Variants in KCNIP2 observed in about 807,000 individuals in gnomAD.
The protein encoded by KCNIP2 is A-type potassium channel modulatory protein KCNIP2.
In KCNIP2, 19 loss-of-function variants were observed where a neutral mutation model predicts 39.0. The ratio of observed to expected loss-of-function variants is 0.49; its 90% CI spans 0.34 to 0.71. The LOEUF (loss-of-function observed/expected upper bound fraction) is 0.71, where lower values mean the gene tolerates loss of function less well. Among genes scored for constraint, KCNIP2 ranks in the 30% least tolerant of loss-of-function variants. KCNIP2 has a pLI of 0.01. For missense variants in KCNIP2, 261 were observed against 346.0 expected, an observed-to-expected ratio of 0.75 and a Z score of 1.95; for synonymous variants, 111 against 131.2, an observed-to-expected ratio of 0.85 and a Z score of 1.05.
In KCNIP2 at chr10:101,828,752, G is replaced by GC; in HGVS notation, c.349-57dup. 6.2e-7 allele frequency: 1 copy of GC among 1,612,598 alleles called. No individual in the cohort carries two copies. The highest frequency in any genetic ancestry group is 8.5e-7 in the Non-Finnish European group (1 of 1,178,864). The stretch of plus-strand genomic sequence containing the variant: ...GAGACAAAATCCCCTTCCGTTCACC[G>GC]CCCCCACCCTCCATGGCCCAAGACT... On this transcript the variant is annotated intron_variant, in intron 4 of 9. Transcript: ENST00000356640. The surrounding 1 kb of genome is among the most constrained non-coding windows in gnomAD (Gnocchi z 6.6).
intron 1 of KCNIP2, among the ~76,000 whole-genome samples, chr10:101,836,556 C>T (rs556234613): frequency 1.3e-5 from 2 of 152,248 alleles, no homozygotes; most frequent in East Asian, 3.9e-4. Context: ...TTGGTCTGTT[C>T]CACTCCTTTC....
chr10:101,829,809 T>TGCCCC (rs1319559131), intron 3 of KCNIP2, 35 bp downstream of exon 3: 7 of 768,468 alleles, frequency 9.1e-6, no homozygotes, highest in Non-Finnish European at 1.1e-5. Context: ...AAAGCCGCCC[T>TGCCCC]GCCCCGCCCC....
chr10:101,832,712 T>C (rs886175292), intron 1 of KCNIP2, among the ~76,000 whole-genome samples: 36 of 152,120 alleles, frequency 2.4e-4, no homozygotes, highest in Non-Finnish European at 4.4e-5. Flanking sequence ...GGATTGCGCC[T>C]GGGGCCTCCA....
intron 3 of KCNIP2, 126 bp downstream of exon 3, chr10:101,829,718 A>AACCC: frequency 9.0e-6 from 1 of 111,666 alleles, no homozygotes; most frequent in Non-Finnish European, 1.8e-5. Flanking sequence ...CTCCATCCAG[A>AACCC]CCCCACCCCC....
Position 101,828,923 on chromosome 10 carries a change from C to G in KCNIP2, c.348+152G>C. 1 of 1,501,914 alleles carries G rather than the reference C, an allele frequency of 6.7e-7. No individual in the cohort carries two copies. 93.0% of individuals were successfully genotyped at this position (1,501,914 alleles called of 1,614,324 possible). A position where few individuals can be genotyped will look rare whatever the true frequency, so the allele number is the denominator to read the frequency against. ...AGGCGCCACTTCCGTTCTGGCCCCGCCCCAGAACCTCCAGCTAGAAGTTCA... is the reference window on the plus strand; with the variant it reads ...AGGCGCCACTTCCGTTCTGGCCCCGGCCCAGAACCTCCAGCTAGAAGTTCA... On this transcript the variant is annotated intron_variant, in intron 4 of 9. Coordinates refer to ENST00000356640, the MANE Select transcript of KCNIP2 (RefSeq NM_173191.3). The surrounding 1 kb of genome is among the most constrained non-coding windows in gnomAD (Gnocchi z 6.6).
At chr10:101,834,807 A>G (rs2066102029) in intron 1 of KCNIP2, among the ~76,000 whole-genome samples, 1 of 152,188 alleles carries the variant, frequency 6.6e-6, no homozygotes, top group South Asian at 2.1e-4. Flanking sequence ...GCACATGTAT[A>G]AGTAATCAGA....
intron 1 of KCNIP2, among the ~76,000 whole-genome samples, chr10:101,840,238 T>G (rs1257437103): frequency 6.9e-6 from 1 of 144,778 alleles, no homozygotes; most frequent in African/African-American, 2.6e-5. Context: ...GTCGCACTCC[T>G]CCCCGCACCC....
intron 1 of KCNIP2, among the ~76,000 whole-genome samples, chr10:101,831,686 A>C (rs1307354381): frequency 6.6e-6 from 1 of 152,128 alleles, no homozygotes; most frequent in East Asian, 1.9e-4. Flanking sequence ...TCCTTAACAC[A>C]AACATATACA....
chr10:101,836,426 G>C (rs894317754), intron 1 of KCNIP2, among the ~76,000 whole-genome samples: 2 of 151,930 alleles, frequency 1.3e-5, no homozygotes, highest in Non-Finnish European at 2.9e-5. Flanking sequence ...TTTTTAAATA[G>C]GGTTTTGTCA....
In KCNIP2 at chr10:101,829,061, C is replaced by T. The variant is rs910744275; in HGVS notation, c.348+14G>A. 2.5e-6 allele frequency: 4 copies of T among 1,611,328 alleles called. No homozygotes were observed. The highest frequency in any genetic ancestry group is 2.2e-5 in the South Asian group (2 of 90,778). On this transcript the variant is annotated intron_variant, in intron 4 of 9. Coordinates refer to ENST00000356640, the MANE Select transcript of KCNIP2 (RefSeq NM_173191.3). Reference sequence around the variant, plus strand: ...GTCCCACCCTCGCTGAGTTTGGCCTCGCCTTGCACTCACGTTCTTGAAGCC... The same window carrying T: ...GTCCCACCCTCGCTGAGTTTGGCCTTGCCTTGCACTCACGTTCTTGAAGCC...
chr10:101,828,383 G>A lies in KCNIP2; in HGVS notation c.489+6C>T, dbSNP rs376606225. ...AGGCTTCCCTGGCCCACCTCGCCCA[G>A]CTCACCTCAAAACTGACCGAGCCAT... On this transcript the variant is annotated splice_donor_region_variant and intron_variant, in intron 6 of 9. Transcript: ENST00000356640. This position sits in a 1 kb window ranked among gnomAD's most constrained non-coding sequence, Gnocchi z 6.6. The A allele has an allele frequency of 4.3e-6, 7 of 1,614,106 alleles. No homozygotes were observed. The South Asian group carries it at 7.7e-5, about 18-fold the overall frequency.
chr10:101,843,623 G>C lies in KCNIP2; in HGVS notation c.-55C>G. ...CGTGGGAGGGGGCGCCGGGTGGCCG[G>C]GATAGGGCGCTCACACGGCGCCCCC... On this transcript the variant is annotated 5_prime_UTR_variant, in exon 1 of 10. Coordinates refer to ENST00000356640, the MANE Select transcript of KCNIP2 (RefSeq NM_173191.3). The surrounding 1 kb of genome is among the most constrained non-coding windows in gnomAD (Gnocchi z 6.7). 1.8e-6 allele frequency: 2 copies of C among 1,115,426 alleles called. No homozygotes were observed. The highest frequency in any genetic ancestry group is 3.5e-5 in the South Asian group (2 of 57,018). The allele number at this position is 1,115,426 out of a possible 1,614,324, so 69.1% of individuals were successfully genotyped here.
At chr10:101,834,730 G>A (rs1396975656) in intron 1 of KCNIP2, among the ~76,000 whole-genome samples, 1 of 152,252 alleles carries the variant, frequency 6.6e-6, no homozygotes, top group Non-Finnish European at 1.5e-5. Flanking sequence ...AAGGGGCAGA[G>A]GGAGGAGCTG....
intron 9 of KCNIP2, 53 bp downstream of exon 9, chr10:101,827,636 C>T (rs1184923673): frequency 7.5e-6 from 12 of 1,601,700 alleles, no homozygotes; most frequent in Non-Finnish European, 9.4e-6. Context: ...CCCTGCATTA[C>T]TAAATCAGGC....
At chr10:101,842,509 T>C (rs2066363322) in intron 1 of KCNIP2, among the ~76,000 whole-genome samples, 2 of 152,190 alleles carry the variant, frequency 1.3e-5, no homozygotes, top group African/African-American at 4.8e-5. Flanking sequence ...TCTGAAAGGT[T>C]TGTTGGGGGT....
intron 1 of KCNIP2, among the ~76,000 whole-genome samples, chr10:101,839,049 C>G (rs1273650240): frequency 6.6e-6 from 1 of 152,188 alleles, no homozygotes; most frequent in Non-Finnish European, 1.5e-5. Flanking sequence ...AACTTAGAGG[C>G]TCAGGAACCC....
At position 101,829,195 on chromosome 10, in the gene KCNIP2, G is replaced by T. The variant is rs1313697615; in HGVS notation, c.228C>A (p.Ser76Arg). Residue 76 changes from serine (S) to arginine (R), a missense_variant, in exon 4 of 10, where the codon AGC becomes AGA. Ser to Arg is a moderately radical substitution (Grantham distance 110). Transcript: ENST00000356640. ...TGGACAATTCAAATTCATCGTCCAC[G>T]CTGTCTGCGGGAGCGGTGAGGACAG... Reference protein sequence around the residue: ...PHRPRLLDPDSVDDEFELSTV... With the variant: ...PHRPRLLDPDRVDDEFELSTV... 6.2e-7 allele frequency: 1 copy of T among 1,612,212 alleles called. No individual in the cohort carries two copies. The highest frequency in any genetic ancestry group is 1.3e-5 in the African/African-American group (1 of 74,910).
At chr10:101,830,461 TCTACACAGGCCGCCACAG>T in intron 2 of KCNIP2, 2 of 1,285,356 alleles carry the variant, frequency 1.6e-6, no homozygotes, top group Non-Finnish European at 2.0e-6. Flanking sequence ...GGCCGCCTGG[TCTACACAGGCCGCCACAG>T]CTACACAGGC....
chr10:101,836,567 C>T (rs574544198), intron 1 of KCNIP2, among the ~76,000 whole-genome samples: 2 of 152,208 alleles, frequency 1.3e-5, no homozygotes, highest in African/African-American at 4.8e-5. Flanking sequence ...CACTCCTTTC[C>T]CCTAGGAAAA....
Sources: gnomAD v4.1 joint callset for allele counts (sites outside exome capture counted in the v4.1 genomes callset) on GRCh38, gnomAD v4.1.1 for gene constraint, Gnocchi (gnomAD v3.1) non-coding constraint, MANE v1.5 for transcripts, NCBI Gene and HGNC (gene_info 2026-07-23, HGNC 2026-07-21) for gene names.